The following SMYD3 variants were observed in gnomAD, a reference collection of about 807,000 sequenced individuals.
The protein encoded by SMYD3 is SET and MYND domain containing 3, also known as histone-lysine N-methyltransferase SMYD3.
SMYD3 carries 36 observed loss-of-function variants against 57.7 expected under a neutral mutation model. The observed-to-expected ratio is 0.62, with a 90% CI of 0.48 to 0.82. The LOEUF (loss-of-function observed/expected upper bound fraction) is 0.82, where lower values mean the gene tolerates loss of function less well. Among genes scored for constraint, SMYD3 ranks in the 40% least tolerant of loss-of-function variants. The pLI is 0.00. For synonymous variants in SMYD3, 211 were observed against 195.0 expected (o/e 1.08, Z -0.68); for missense variants, 515 against 538.8 (o/e 0.96, Z 0.44).
intron 5 of SMYD3, among the ~76,000 whole-genome samples, chr1:246,125,204 A>G (rs7521795): frequency 0.084 from 12,789 of 152,302 alleles, 1,109 homozygotes; most frequent in African/African-American, 0.21. Flanking sequence ...CACTGTGAAT[A>G]GTCTTCCTTA....
intron 9 of SMYD3, 57 bp downstream of exon 9, chr1:245,863,742 C>T: frequency 6.5e-7 from 1 of 1,538,150 alleles, no homozygotes; most frequent in Non-Finnish European, 9.0e-7. Context: ...GACAGGGCTT[C>T]AAGAAAACAA....
At chr1:245,764,855 C>T (rs181248814) in intron 10 of SMYD3, among the ~76,000 whole-genome samples, 191 of 152,174 alleles carry the variant, frequency 1.3e-3, no homozygotes, top group African/African-American at 4.2e-3. Flanking sequence ...AGGACGCACA[C>T]GACTCCGGCT....
At chr1:246,454,346 T>G (rs899276906) in intron 1 of SMYD3, among the ~76,000 whole-genome samples, 10 of 152,110 alleles carry the variant, frequency 6.6e-5, no homozygotes, top group African/African-American at 2.4e-4. Flanking sequence ...TGAGGTATGA[T>G]TCCATCAAGA....
At chr1:245,923,240 G>A (rs2056113311) in intron 7 of SMYD3, among the ~76,000 whole-genome samples, 1 of 151,572 alleles carries the variant, frequency 6.6e-6, no homozygotes, top group South Asian at 2.1e-4. Flanking sequence ...TTTTCTTCAA[G>A]TGTTTTATGT....
At chr1:246,193,788 T>C (rs2062782025) in intron 5 of SMYD3, 1 of 152,300 alleles carries the variant, frequency 6.6e-6, no homozygotes, top group Non-Finnish European at 1.5e-5. Context: ...CGCAGACGGC[T>C]GCTATCGTCC....
chr1:245,951,005 G>A (rs899650547), intron 5 of SMYD3, among the ~76,000 whole-genome samples: 3 of 152,152 alleles, frequency 2.0e-5, no homozygotes, highest in Non-Finnish European at 4.4e-5. Context: ...CGGCATATTA[G>A]TTGGCTATTT....
chr1:246,174,571 T>C lies in SMYD3; in HGVS notation c.531+152630A>G, dbSNP rs111356382. The stretch of plus-strand genomic sequence containing the variant: ...AAGAAATTCTCCTACCTCAGCCTCT[T>C]GAGTAGCTGGGACTACAGGCACATG... On this transcript the variant is annotated intron_variant, in intron 5 of 11. Transcript: ENST00000490107. Among the ~76,000 whole-genome samples, 406 of 152,196 alleles carry C rather than the reference T, an allele frequency of 2.7e-3. 4 individuals carry two copies. The highest frequency in any genetic ancestry group is 9.2e-3 in the African/African-American group (381 of 41,534).
At chr1:245,792,084 G>C (rs1432776476) in intron 10 of SMYD3, among the ~76,000 whole-genome samples, 1 of 151,824 alleles carries the variant, frequency 6.6e-6, no homozygotes, top group East Asian at 1.9e-4. Flanking sequence ...TGCTGACTTT[G>C]TACCTAGAGG....
At chr1:246,047,738 C>A (rs1572941192) in intron 5 of SMYD3, among the ~76,000 whole-genome samples, 1 of 151,956 alleles carries the variant, frequency 6.6e-6, no homozygotes, top group East Asian at 1.9e-4. Context: ...ACTCAGAAGG[C>A]TGAGACAGGA....
intron 8 of SMYD3, among the ~76,000 whole-genome samples, chr1:245,880,358 T>C (rs2052714937): frequency 6.6e-6 from 1 of 152,218 alleles, no homozygotes; most frequent in Non-Finnish European, 1.5e-5. Flanking sequence ...AGAAAGTATA[T>C]ATAGGTTCCT....
intron 5 of SMYD3, among the ~76,000 whole-genome samples, chr1:246,092,299 A>G (rs1321830576): frequency 6.6e-6 from 1 of 152,188 alleles, no homozygotes; most frequent in Non-Finnish European, 1.5e-5. Context: ...GTTCGAAATT[A>G]CCCAAGACCC....
chr1:246,299,883 G>A (rs1394653706), intron 5 of SMYD3, among the ~76,000 whole-genome samples: 1 of 64,180 alleles, frequency 1.6e-5, no homozygotes, highest in Non-Finnish European at 3.4e-5. Flanking sequence ...CGACTACTGG[G>A]TACTAGGCTG....
At chr1:246,478,077 A>C (rs2068051052) in intron 1 of SMYD3, among the ~76,000 whole-genome samples, 1 of 151,338 alleles carries the variant, frequency 6.6e-6, no homozygotes, top group Non-Finnish European at 1.5e-5. Flanking sequence ...ACATCTGTTG[A>C]GGACCTACTG....
At chr1:246,457,996 A>T (rs1445951490) in intron 1 of SMYD3, among the ~76,000 whole-genome samples, 1 of 152,204 alleles carries the variant, frequency 6.6e-6, no homozygotes, top group African/African-American at 2.4e-5. Context: ...TTTAAAACGT[A>T]TGTGATTTTA....
In SMYD3 at chr1:246,229,389, A is replaced by G. The variant is rs566576757; in HGVS notation, c.531+97812T>C. On this transcript the variant is annotated intron_variant, in intron 5 of 11. Transcript: ENST00000490107. ...GTGATAGAAGGTGTTACATTGTTTCAGTCTACCTGCCATTGAACAAAATAA... is the reference window on the plus strand; with the variant it reads ...GTGATAGAAGGTGTTACATTGTTTCGGTCTACCTGCCATTGAACAAAATAA... Among the ~76,000 whole-genome samples the G allele has an allele frequency of 5.9e-5, 9 of 152,342 alleles. No individual in the cohort carries two copies. In the South Asian group the frequency reaches 1.9e-3, roughly 32 times the overall value.
chr1:245,774,685 C>T (rs945613867), intron 10 of SMYD3, among the ~76,000 whole-genome samples: 7 of 131,328 alleles, frequency 5.3e-5, no homozygotes, highest in African/African-American at 1.3e-4. Context: ...CCCTTTCCCA[C>T]GGTCTCCCTC....
chr1:246,456,121 A>G (rs1442704445), intron 1 of SMYD3, among the ~76,000 whole-genome samples: 1 of 152,090 alleles, frequency 6.6e-6, no homozygotes, highest in African/African-American at 2.4e-5. Flanking sequence ...GGTAATCCCA[A>G]AGGAATTTGT....
At chr1:246,167,791 G>C (rs1040042709) in intron 5 of SMYD3, among the ~76,000 whole-genome samples, 1 of 152,242 alleles carries the variant, frequency 6.6e-6, no homozygotes, top group Admixed American at 6.5e-5. Flanking sequence ...GATTACAGGC[G>C]TGAGCCACCA....
chr1:246,327,148 A>T, intron 5 of SMYD3, 53 bp downstream of exon 5: 1 of 1,606,960 alleles, frequency 6.2e-7, no homozygotes, highest in Non-Finnish European at 8.5e-7. Context: ...ACAACAAAAT[A>T]AGGAGCAAAT....
Sources: gnomAD v4.1 joint callset for allele counts (sites outside exome capture counted in the v4.1 genomes callset) on GRCh38, gnomAD v4.1.1 for gene constraint, MANE v1.5 for transcripts, NCBI Gene and HGNC (gene_info 2026-07-23, HGNC 2026-07-21) for gene names.